Variants in OPCML observed in about 807,000 individuals in gnomAD.
OPCML encodes opioid binding protein/cell adhesion molecule like.
OPCML carries 13 observed loss-of-function variants against 37.8 expected under a neutral mutation model. That is an observed-to-expected ratio of 0.34 (90% CI 0.22 to 0.55). The LOEUF (loss-of-function observed/expected upper bound fraction) is 0.55. Among genes scored for constraint, OPCML ranks in the 20% least tolerant of loss-of-function variants. The pLI is 0.91. For synonymous variants in OPCML, 176 were observed against 168.8 expected (o/e 1.04, Z -0.33); for missense variants, 341 against 435.6 (o/e 0.78, Z 1.93).
chr11:133,245,247 T>A (rs1940879212), intron 1 of OPCML, among the ~76,000 whole-genome samples: 2 of 152,212 alleles, frequency 1.3e-5, no homozygotes, highest in Admixed American at 1.3e-4. Context: ...AAGATAGGGA[T>A]GCACAAATTT....
intron 1 of OPCML, among the ~76,000 whole-genome samples, chr11:133,163,490 C>T (rs942986189): frequency 3.9e-5 from 6 of 152,176 alleles, no homozygotes; most frequent in African/African-American, 1.4e-4. Context: ...TGTTCATAGA[C>T]GTTTAAAAGG....
intron 1 of OPCML, among the ~76,000 whole-genome samples, chr11:133,072,196 G>A (rs1026379225): frequency 5.9e-5 from 9 of 152,274 alleles, no homozygotes; most frequent in African/African-American, 1.2e-4. Flanking sequence ...AAATAGGGGC[G>A]ATGGGTGCAT....
chr11:133,049,360 T>A (rs1219125810), intron 1 of OPCML, among the ~76,000 whole-genome samples: 1 of 152,158 alleles, frequency 6.6e-6, no homozygotes, highest in Non-Finnish European at 1.5e-5. Context: ...CTGTCTCTTA[T>A]CGCGGGCAGC....
chr11:133,413,909 C>A (rs573691522), intron 1 of OPCML, among the ~76,000 whole-genome samples: 1 of 152,248 alleles, frequency 6.6e-6, no homozygotes, highest in African/African-American at 2.4e-5. Context: ...CTGTGGGACC[C>A]AGCACAGGAG....
At chr11:133,075,650 T>C (rs905638350) in intron 1 of OPCML, among the ~76,000 whole-genome samples, 4 of 152,126 alleles carry the variant, frequency 2.6e-5, no homozygotes, top group Non-Finnish European at 5.9e-5. Flanking sequence ...CCATCTACTC[T>C]GGGGAGAGAT....
intron 1 of OPCML, among the ~76,000 whole-genome samples, chr11:132,982,020 T>A (rs1379199206): frequency 6.6e-6 from 1 of 152,168 alleles, no homozygotes; most frequent in Non-Finnish European, 1.5e-5. Flanking sequence ...CAGAACTCTT[T>A]CCAATGCATA....
At chr11:133,342,069 T>C (rs192586120) in intron 1 of OPCML, among the ~76,000 whole-genome samples, 4 of 152,104 alleles carry the variant, frequency 2.6e-5, no homozygotes, top group Admixed American at 2.6e-4. Flanking sequence ...GAAAGCAAAA[T>C]GTGTTTCTAG....
intron 1 of OPCML, among the ~76,000 whole-genome samples, chr11:133,170,657 A>T (rs1950276847): frequency 1.3e-5 from 2 of 152,226 alleles, no homozygotes; most frequent in Admixed American, 6.5e-5. Flanking sequence ...TGCATGAGAC[A>T]TATGTAATGT....
Position 133,361,624 on chromosome 11 carries a change from G to A in OPCML, c.61+170640C>T, listed in dbSNP as rs1209021835. The A allele has an allele frequency of 4.3e-5, 7 of 163,612 alleles. No homozygotes were observed. In the Admixed American group the frequency reaches 4.6e-4, roughly 11 times the overall value. The allele number at this position is 163,612 out of a possible 1,614,324, so 10.1% of individuals were successfully genotyped here. Reference sequence around the variant, plus strand: ...CTGCAGCTACTCCGGGGCACCTGCAGCTATTCCGGGGCACCTGCAGCTATC... The same window carrying A: ...CTGCAGCTACTCCGGGGCACCTGCAACTATTCCGGGGCACCTGCAGCTATC... On this transcript the variant is annotated intron_variant, in intron 1 of 7. Transcript: ENST00000524381.
In OPCML at chr11:133,495,241, C is replaced by T. The variant is rs188059983; in HGVS notation, c.61+37023G>A. 4.1e-4 allele frequency among the ~76,000 whole-genome samples: 63 copies of T among 152,258 alleles called. 1 individual carries two copies. Among genetic ancestry groups the T allele is most frequent in the South Asian group, 1.9e-3 (9 of 4,824 alleles). ...CACTGCAAATGCCATTAATTCATTC[C>T]TTTTTATGGCTGAGTAGTATTCCAT... On this transcript the variant is annotated intron_variant, in intron 1 of 7. Transcript: ENST00000524381.
intron 2 of OPCML, among the ~76,000 whole-genome samples, chr11:132,841,860 C>CAAAAAAAAAAAA (rs71067402): frequency 4.6e-4 from 16 of 34,696 alleles, no homozygotes; most frequent in South Asian, 1.6e-3. Context: ...CACTCTATCT[C>CAAAAAAAAAAAA]AAAAAAAAAA....
chr11:133,410,703 G>A (rs559880780), intron 1 of OPCML, among the ~76,000 whole-genome samples: 123 of 134,612 alleles, frequency 9.1e-4, no homozygotes, highest in Middle Eastern at 5.6e-3. Flanking sequence ...CTCTTTTGAC[G>A]TTGCTGGGAG....
chr11:132,481,439 AAGAGACTTAGACTCCCACAC>A (rs1181706758), intron 4 of OPCML, among the ~76,000 whole-genome samples: 1 of 150,914 alleles, frequency 6.6e-6, no homozygotes, highest in Non-Finnish European at 1.5e-5. Flanking sequence ...GTGACCTACA[AAGAGACTTAGACTCCCACAC>A]ATTAATAATG....
chr11:132,729,408 C>G (rs1017129029), intron 2 of OPCML, among the ~76,000 whole-genome samples: 1 of 151,670 alleles, frequency 6.6e-6, no homozygotes, highest in Non-Finnish European at 1.5e-5. Flanking sequence ...CACACACACA[C>G]TCTTCCAAGG....
chr11:132,716,512 C>A (rs1287191055), intron 2 of OPCML, among the ~76,000 whole-genome samples: 1 of 151,960 alleles, frequency 6.6e-6, no homozygotes, highest in Non-Finnish European at 1.5e-5. Flanking sequence ...CAATTGAAAA[C>A]CCCTGGAAAA....
At chr11:132,579,572 G>C (rs542360577) in intron 3 of OPCML, among the ~76,000 whole-genome samples, 1 of 152,040 alleles carries the variant, frequency 6.6e-6, no homozygotes, top group Non-Finnish European at 1.5e-5. Flanking sequence ...GAAATCAGAG[G>C]TCTCTCCTGC....
chr11:133,286,094 A>G (rs1467093197), intron 1 of OPCML, among the ~76,000 whole-genome samples: 1 of 152,182 alleles, frequency 6.6e-6, no homozygotes, highest in African/African-American at 2.4e-5. Flanking sequence ...GGATAGAACC[A>G]GCCTCCTTCT....
chr11:132,996,536 C>T (rs981368753), intron 1 of OPCML, among the ~76,000 whole-genome samples: 3 of 150,588 alleles, frequency 2.0e-5, no homozygotes, highest in South Asian at 2.1e-4. Flanking sequence ...CGCTTGAACC[C>T]GGGATGCAGA....
chr11:132,679,308 G>A (rs140421516), intron 2 of OPCML, among the ~76,000 whole-genome samples: 5 of 152,284 alleles, frequency 3.3e-5, no homozygotes, highest in African/African-American at 9.6e-5. Context: ...GTTCATAACA[G>A]CATTATTCAT....
Sources: allele counts gnomAD v4.1 joint callset (sites outside exome capture counted in the v4.1 genomes callset), GRCh38; gene constraint gnomAD v4.1.1; transcripts MANE v1.5; gene names NCBI Gene and HGNC (gene_info 2026-07-23, HGNC 2026-07-21).